CHCHD6: variants seen among roughly 807,000 people sequenced by gnomAD.
CHCHD6 encodes the protein MICOS complex subunit MIC25.
Under a neutral mutation model 32.3 loss-of-function variants are expected in CHCHD6, and 28 were observed. The observed-to-expected ratio is 0.87, with a 90% CI of 0.64 to 1.19. The LOEUF (loss-of-function observed/expected upper bound fraction) is 1.19. CHCHD6 is among the 50% of genes most tolerant of loss of function. CHCHD6 has a pLI of 0.00. For missense variants in CHCHD6, 333 were observed against 307.0 expected (o/e 1.08, Z -0.63); for synonymous variants, 122 against 117.5 (o/e 1.04, Z -0.25).
chr3:126,844,366 A>G (rs975301936), intron 4 of CHCHD6, among the ~76,000 whole-genome samples: 2 of 152,078 alleles, frequency 1.3e-5, no homozygotes, highest in Admixed American at 1.3e-4. Context: ...TTAGTCTCAG[A>G]TTTGCTTTAT....
At chr3:126,925,100 G>C (rs2078303858) in intron 6 of CHCHD6, among the ~76,000 whole-genome samples, 1 of 152,194 alleles carries the variant, frequency 6.6e-6, no homozygotes, top group Non-Finnish European at 1.5e-5. Flanking sequence ...ACCTTTACTG[G>C]AGTAAATGAA....
At chr3:126,731,956 G>A (rs899297451) in intron 3 of CHCHD6, among the ~76,000 whole-genome samples, 1 of 151,794 alleles carries the variant, frequency 6.6e-6, no homozygotes, top group Non-Finnish European at 1.5e-5. Flanking sequence ...ACACATGCCT[G>A]TAGTCCCAGC....
chr3:126,943,673 G>A (rs1474493923), intron 6 of CHCHD6, among the ~76,000 whole-genome samples: 2 of 152,168 alleles, frequency 1.3e-5, no homozygotes, highest in Non-Finnish European at 2.9e-5. Context: ...ATGGGGTAGC[G>A]AGGTAGGGCT....
At chr3:126,875,495 G>A (rs2077528432) in intron 5 of CHCHD6, among the ~76,000 whole-genome samples, 2 of 152,238 alleles carry the variant, frequency 1.3e-5, no homozygotes, top group Non-Finnish European at 2.9e-5. Flanking sequence ...AAAAGCCATG[G>A]GAGAGCTTCC....
Position 126,708,606 on chromosome 3 carries a change from T to G in CHCHD6, c.87+4207T>G, listed in dbSNP as rs111444035. On this transcript the variant is annotated intron_variant, in intron 1 of 7. Transcript: ENST00000290913. ...GGGAGGCTGAGGCAGGAGGATCACC[T>G]GAGCCCAGTGGTTCGAGTCCAGTGT... Among the ~76,000 whole-genome samples, 137 of 148,140 alleles carry G rather than the reference T, an allele frequency of 9.2e-4. 2 individuals are homozygous for G. The highest frequency in any genetic ancestry group is 1.7e-3 in the Non-Finnish European group (113 of 67,692).
chr3:126,933,532 T>C (rs185915399), intron 6 of CHCHD6, among the ~76,000 whole-genome samples: 1 of 152,178 alleles, frequency 6.6e-6, no homozygotes, highest in Non-Finnish European at 1.5e-5. Flanking sequence ...CTTACAATTA[T>C]GGAGGAAGGC....
intron 5 of CHCHD6, among the ~76,000 whole-genome samples, chr3:126,892,770 C>T (rs970828063): frequency 2.6e-5 from 4 of 152,158 alleles, no homozygotes; most frequent in African/African-American, 7.2e-5. Context: ...TAAAAGCAAA[C>T]GCAGCTCCTC....
At chr3:126,868,485 C>G (rs570689403) in intron 5 of CHCHD6, among the ~76,000 whole-genome samples, 1 of 151,916 alleles carries the variant, frequency 6.6e-6, no homozygotes, top group Non-Finnish European at 1.5e-5. Flanking sequence ...TTAAGTAACA[C>G]ATGTTCATGT....
chr3:126,878,859 A>G (rs1402266248), intron 5 of CHCHD6, among the ~76,000 whole-genome samples: 1 of 152,190 alleles, frequency 6.6e-6, no homozygotes, highest in African/African-American at 2.4e-5. Context: ...GCAGCCATTC[A>G]GTTACAGTGG....
At chr3:126,896,495 G>A (rs1280239796) in intron 5 of CHCHD6, among the ~76,000 whole-genome samples, 1 of 152,182 alleles carries the variant, frequency 6.6e-6, no homozygotes, top group Non-Finnish European at 1.5e-5. Flanking sequence ...TAGCCCATCT[G>A]CTTTTTCTGG....
intron 5 of CHCHD6, among the ~76,000 whole-genome samples, chr3:126,887,275 G>A (rs1024321410): frequency 3.0e-4 from 45 of 152,010 alleles, no homozygotes; most frequent in African/African-American, 1.1e-3. Flanking sequence ...AATCTATAGA[G>A]TGGGGCTATT....
intron 5 of CHCHD6, among the ~76,000 whole-genome samples, chr3:126,873,875 C>T (rs1478690947): frequency 6.6e-6 from 1 of 152,360 alleles, no homozygotes; most frequent in South Asian, 2.1e-4. Flanking sequence ...GTAGCTTGCT[C>T]AAGGCCACAC....
At chr3:126,863,296 TCCTCCTCCTCCTCCTCCATCACCA>T (rs1172097591) in intron 5 of CHCHD6, among the ~76,000 whole-genome samples, 1 of 86,800 alleles carries the variant, frequency 1.2e-5, no homozygotes, top group African/African-American at 5.0e-5. Context: ...CATCACCACC[TCCTCCTCCTCCTCCTCCATCACCA>T]CCTCCTCCTC....
At chr3:126,791,591 C>T (rs571488262) in intron 4 of CHCHD6, among the ~76,000 whole-genome samples, 10 of 152,318 alleles carry the variant, frequency 6.6e-5, no homozygotes, top group South Asian at 2.1e-4. Flanking sequence ...TAACAATGAG[C>T]GAGGCTCCGT....
chr3:126,933,767 A>T (rs190625273), intron 6 of CHCHD6, among the ~76,000 whole-genome samples: 1 of 152,376 alleles, frequency 6.6e-6, no homozygotes, highest in East Asian at 1.9e-4. Context: ...TCCAAACCAC[A>T]TCAATTCTTC....
chr3:126,757,179 A>G (rs1176286184), intron 4 of CHCHD6, among the ~76,000 whole-genome samples: 1 of 152,244 alleles, frequency 6.6e-6, no homozygotes, highest in Non-Finnish European at 1.5e-5. Flanking sequence ...ACTCAAAGGA[A>G]ATGCTCATTG....
intron 5 of CHCHD6, among the ~76,000 whole-genome samples, chr3:126,864,980 C>T (rs1284751936): frequency 6.7e-6 from 1 of 149,480 alleles, no homozygotes; most frequent in Non-Finnish European, 1.5e-5. Context: ...TCCATCATCA[C>T]CACTACCACC....
intron 4 of CHCHD6, among the ~76,000 whole-genome samples, chr3:126,835,445 A>G (rs1940818205): frequency 6.6e-6 from 1 of 152,154 alleles, no homozygotes; most frequent in Admixed American, 6.5e-5. Context: ...TCATGGGCTT[A>G]CAATCCCTGA....
At chr3:126,725,854 C>T (rs1480445022) in intron 1 of CHCHD6, among the ~76,000 whole-genome samples, 1 of 152,236 alleles carries the variant, frequency 6.6e-6, no homozygotes, top group Non-Finnish European at 1.5e-5. Flanking sequence ...CCTCACCTCT[C>T]TCAGCCTTGA....
Sources: gnomAD v4.1 joint callset for allele counts (sites outside exome capture counted in the v4.1 genomes callset) on GRCh38, gnomAD v4.1.1 for gene constraint, MANE v1.5 for transcripts, NCBI Gene and HGNC (gene_info 2026-07-23, HGNC 2026-07-21) for gene names.